The following C8orf34 variants were observed in gnomAD, a reference collection of about 807,000 sequenced individuals.
C8orf34 encodes the protein chromosome 8 open reading frame 34.
In C8orf34, 65 loss-of-function variants were observed where a neutral mutation model predicts 68.3. That is an observed-to-expected ratio of 0.95 (90% CI 0.78 to 1.17). The LOEUF (loss-of-function observed/expected upper bound fraction) is 1.17. Ranked by LOEUF, C8orf34 falls within the 50% of genes most tolerant of loss-of-function variation. The pLI is 0.00. For missense variants in C8orf34, 664 were observed against 655.4 expected, an observed-to-expected ratio of 1.01 and a Z score of -0.14; for synonymous variants, 244 against 241.2, an observed-to-expected ratio of 1.01 and a Z score of -0.11.
chr8:68,662,904 A>G (rs1819724786), intron 8 of C8orf34, among the ~76,000 whole-genome samples: 3 of 152,232 alleles, frequency 2.0e-5, no homozygotes, highest in Admixed American at 2.0e-4. Flanking sequence ...TCTTAACAGT[A>G]TGTCACCCAA....
chr8:68,607,934 G>A (rs1817903763), intron 7 of C8orf34, among the ~76,000 whole-genome samples: 1 of 152,122 alleles, frequency 6.6e-6, no homozygotes, highest in Non-Finnish European at 1.5e-5. Flanking sequence ...GAATTATAGA[G>A]CGACTTTGGA....
At chr8:68,697,057 T>C (rs917972042) in intron 8 of C8orf34, among the ~76,000 whole-genome samples, 1 of 152,104 alleles carries the variant, frequency 6.6e-6, no homozygotes, top group Non-Finnish European at 1.5e-5. Flanking sequence ...TTTATAACTC[T>C]GTGCTAGATA....
rs1239090098 is a variant in C8orf34 at position 68,501,392 on chromosome 8, T to C, written c.765+13341T>C. Among the ~76,000 whole-genome samples, 5 of 152,270 alleles carry C rather than the reference T, an allele frequency of 3.3e-5. No homozygotes were observed. The East Asian group carries it at 9.7e-4, about 29-fold the overall frequency. ...GCGCCCCGGCTTCACTTCCAGCCAC[T>C]GTTACTGGGAGGTGGATGTGGGCAC... On this transcript the variant is annotated intron_variant, in intron 5 of 13. Transcript: ENST00000518698.
chr8:68,729,769 A>G (rs1291031954), intron 10 of C8orf34, among the ~76,000 whole-genome samples: 1 of 152,146 alleles, frequency 6.6e-6, no homozygotes, highest in Non-Finnish European at 1.5e-5. Context: ...GTATTTACCT[A>G]TACATATTCC....
chr8:68,681,669 A>G (rs1820375534), intron 8 of C8orf34, among the ~76,000 whole-genome samples: 2 of 152,002 alleles, frequency 1.3e-5, no homozygotes, highest in South Asian at 4.1e-4. Flanking sequence ...GGCATATACC[A>G]CCCCCTCACA....
At chr8:68,398,089 T>C (rs965919738) in intron 1 of C8orf34, among the ~76,000 whole-genome samples, 5 of 152,136 alleles carry the variant, frequency 3.3e-5, no homozygotes, top group African/African-American at 1.2e-4. Context: ...TTATTTTCTA[T>C]TGATTTGTTT....
intron 3 of C8orf34, 42 bp from the exon 4 acceptor site, chr8:68,468,650 T>G (rs1246247166): frequency 1.3e-6 from 2 of 1,597,920 alleles, no homozygotes; most frequent in Non-Finnish European, 1.7e-6. Flanking sequence ...TTTGTGTCAT[T>G]ATGTAGCATG....
intron 11 of C8orf34, among the ~76,000 whole-genome samples, chr8:68,779,754 C>T (rs75961574): frequency 2.5e-4 from 38 of 151,992 alleles, no homozygotes; most frequent in African/African-American, 8.0e-4. Context: ...AGAAAGTTTA[C>T]GTTTTATCAT....
chr8:68,358,522 T>G (rs1217830873), intron 1 of C8orf34, among the ~76,000 whole-genome samples: 1 of 151,854 alleles, frequency 6.6e-6, no homozygotes, highest in Non-Finnish European at 1.5e-5. Flanking sequence ...CACTGACATT[T>G]CCATGTTTAT....
rs563935295 is a variant in C8orf34 at position 68,699,888 on chromosome 8, A to G, written c.1242-9106A>G. 5.3e-5 allele frequency among the ~76,000 whole-genome samples: 8 copies of G among 152,232 alleles called. No homozygotes were observed. In the East Asian group the frequency reaches 1.4e-3, roughly 26 times the overall value. ...GTTTGCAGGCCCATATCTCACTTTC[A>G]GGAGATAGGAAGTTACAAGGAAAAT... On this transcript the variant is annotated intron_variant, in intron 8 of 13. Transcript: ENST00000518698.
intron 8 of C8orf34, among the ~76,000 whole-genome samples, chr8:68,672,820 C>T (rs1186283176): frequency 6.6e-6 from 1 of 152,176 alleles, no homozygotes; most frequent in Non-Finnish European, 1.5e-5. Flanking sequence ...CTATTCCTCT[C>T]CCAACCTCAA....
intron 1 of C8orf34, among the ~76,000 whole-genome samples, chr8:68,425,915 A>G (rs1278266635): frequency 6.6e-6 from 1 of 152,196 alleles, no homozygotes; most frequent in Non-Finnish European, 1.5e-5. Context: ...AAGTAATTCA[A>G]TGGAGAAAGG....
At chr8:68,372,213 A>G (rs1807590572) in intron 1 of C8orf34, among the ~76,000 whole-genome samples, 2 of 152,214 alleles carry the variant, frequency 1.3e-5, no homozygotes, top group African/African-American at 4.8e-5. Context: ...TTGGTAGTTC[A>G]AAAGACATAA....
chr8:68,335,842 G>A (rs1374886650), intron 1 of C8orf34, among the ~76,000 whole-genome samples: 2 of 152,178 alleles, frequency 1.3e-5, no homozygotes, highest in Admixed American at 1.3e-4. Context: ...CACATTGGGA[G>A]GCTGAGGCAG....
At chr8:68,818,164 A>T in intron 13 of C8orf34, 75 bp from the exon 14 acceptor site, 1 of 1,493,580 alleles carries the variant, frequency 6.7e-7, no homozygotes, top group Middle Eastern at 2.3e-4. Context: ...TAAAATCACA[A>T]TTTTTCTTTT....
chr8:68,736,365 A>C (rs1401617903), intron 10 of C8orf34, among the ~76,000 whole-genome samples: 2 of 152,152 alleles, frequency 1.3e-5, no homozygotes, highest in African/African-American at 4.8e-5. Context: ...TCCATTTTAA[A>C]GATGTGAAAT....
intron 10 of C8orf34, among the ~76,000 whole-genome samples, chr8:68,751,053 G>A (rs191769485): frequency 2.9e-4 from 44 of 152,168 alleles, no homozygotes; most frequent in African/African-American, 9.6e-4. Flanking sequence ...GGAAGGCACC[G>A]TGCACAAAAG....
chr8:68,656,054 C>T (rs1240481439), intron 8 of C8orf34, among the ~76,000 whole-genome samples: 1 of 152,068 alleles, frequency 6.6e-6, no homozygotes, highest in Non-Finnish European at 1.5e-5. Flanking sequence ...CAGACAGAAC[C>T]ATGTTGAAGG....
chr8:68,777,497 C>A (rs1823554041), intron 11 of C8orf34, among the ~76,000 whole-genome samples: 1 of 152,174 alleles, frequency 6.6e-6, no homozygotes, highest in African/African-American at 2.4e-5. Flanking sequence ...GAATTTATGC[C>A]TTTTCACTTA....
Sources: gnomAD v4.1 joint callset for allele counts (sites outside exome capture counted in the v4.1 genomes callset) on GRCh38, gnomAD v4.1.1 for gene constraint, MANE v1.5 for transcripts, NCBI Gene and HGNC (gene_info 2026-07-23, HGNC 2026-07-21) for gene names.